MGAT4C: variants seen among roughly 807,000 people sequenced by gnomAD.
MGAT4C encodes the protein MGAT4 family member C, also known as alpha-1,3-mannosyl-glycoprotein 4-beta-N-acetylglucosaminyltransferase C.
MGAT4C carries 19 observed loss-of-function variants against 40.1 expected under a neutral mutation model. The ratio of observed to expected loss-of-function variants is 0.47; its 90% CI spans 0.33 to 0.70. MGAT4C has a LOEUF of 0.70. MGAT4C is among the 30% of genes least tolerant of loss of function. The probability of loss-of-function intolerance (pLI) is 0.02; values close to 1 mark genes in which losing one functional copy is unlikely to be tolerated. For synonymous variants in MGAT4C, 181 were observed against 187.1 expected (o/e 0.97, Z 0.27); for missense variants, 491 against 563.2 (o/e 0.87, Z 1.30).
At chr12:86,214,249 T>C (rs1950587379) in intron 1 of MGAT4C, among the ~76,000 whole-genome samples, 1 of 152,198 alleles carries the variant, frequency 6.6e-6, no homozygotes. Context: ...TCTTCTGGAC[T>C]ATGTGGGTCA....
chr12:86,347,169 A>AT (rs1023758351), intron 3 of MGAT4C, among the ~76,000 whole-genome samples: 1 of 152,182 alleles, frequency 6.6e-6, no homozygotes, highest in Non-Finnish European at 1.5e-5. Context: ...TCAATTCTCC[A>AT]TAACAAACTC....
intron 1 of MGAT4C, among the ~76,000 whole-genome samples, chr12:86,227,538 T>G (rs751435884): frequency 6.6e-6 from 1 of 151,974 alleles, no homozygotes; most frequent in Non-Finnish European, 1.5e-5. Context: ...AGAGATATCT[T>G]CATTTAACAT....
intron 2 of MGAT4C, among the ~76,000 whole-genome samples, chr12:86,469,399 G>T (rs1223166010): frequency 6.6e-6 from 1 of 152,058 alleles, no homozygotes; most frequent in African/African-American, 2.4e-5. Flanking sequence ...CATGTCTTTT[G>T]CCAGCACTCT....
chr12:86,626,638 T>C (rs1195718746), intron 2 of MGAT4C, among the ~76,000 whole-genome samples: 2 of 152,214 alleles, frequency 1.3e-5, no homozygotes, highest in African/African-American at 4.8e-5. Flanking sequence ...TTCCATTATT[T>C]TCTAGTGTTA....
intron 2 of MGAT4C, among the ~76,000 whole-genome samples, chr12:86,697,612 G>A (rs1038999683): frequency 1.3e-5 from 2 of 151,868 alleles, no homozygotes; most frequent in African/African-American, 4.8e-5. Context: ...TTTCTTTGGA[G>A]GAACCAAAAC....
rs1198701119 is a variant in MGAT4C at position 85,977,170 on chromosome 12, A to G, written c.*2119T>C. ...TGAAACATTTTTAAGACATTGATAG[A>G]CACCAATAGCTGATCTTTAGAAAGC... On this transcript the variant is annotated 3_prime_UTR_variant, in exon 5 of 5. Transcript: ENST00000611864. The G allele has an allele frequency of 6.6e-6, 1 of 151,402 alleles. No homozygotes were observed. The highest frequency in any genetic ancestry group is 2.4e-5 in the African/African-American group (1 of 41,388). The allele number at this position is 151,402 out of a possible 1,614,324, so 9.4% of individuals were successfully genotyped here. A position where few individuals can be genotyped will look rare whatever the true frequency, so the allele number is the denominator to read the frequency against.
intron 4 of MGAT4C, among the ~76,000 whole-genome samples, chr12:86,313,459 G>A (rs184727134): frequency 5.9e-5 from 9 of 152,168 alleles, no homozygotes; most frequent in Admixed American, 1.3e-4. Flanking sequence ...AAATAGTGTC[G>A]AAGTCAGTTG....
intron 1 of MGAT4C, among the ~76,000 whole-genome samples, chr12:86,767,438 C>A (rs1467269481): frequency 3.9e-5 from 6 of 152,116 alleles, no homozygotes; most frequent in Admixed American, 6.6e-5. Context: ...CAGAGAGGTA[C>A]AAGGAGGAAC....
intron 2 of MGAT4C, among the ~76,000 whole-genome samples, chr12:86,445,348 A>G (rs1332151923): frequency 6.6e-6 from 1 of 152,212 alleles, no homozygotes; most frequent in African/African-American, 2.4e-5. Context: ...AATATTCCAT[A>G]TTATTTCTCA....
At chr12:86,003,926 GAC>G (rs1887608484) in intron 2 of MGAT4C, among the ~76,000 whole-genome samples, 1 of 151,990 alleles carries the variant, frequency 6.6e-6, no homozygotes, top group South Asian at 2.1e-4. Flanking sequence ...GTCTTATCAA[GAC>G]AGTTTTCTAT....
At chr12:86,584,749 G>C (rs1050410343) in intron 2 of MGAT4C, among the ~76,000 whole-genome samples, 1 of 151,218 alleles carries the variant, frequency 6.6e-6, no homozygotes, top group African/African-American at 2.4e-5. Context: ...TATTGGAAAG[G>C]TTATGATTGC....
At position 86,011,941 on chromosome 12, in the gene MGAT4C, G is replaced by C. The variant is rs545847614; in HGVS notation, c.-6-22389C>G. 2.4e-5 allele frequency: 19 copies of C among 793,968 alleles called. No homozygotes were observed. In the African/African-American group the frequency reaches 3.2e-4, roughly 13 times the overall value. The allele number at this position is 793,968 out of a possible 1,614,324, so 49.2% of individuals were successfully genotyped here. On this transcript the variant is annotated intron_variant, in intron 2 of 4. Coordinates refer to ENST00000611864, the MANE Select transcript of MGAT4C (RefSeq NM_001351288.2). ...TCACACAAATGAAGATGAGTTACTT[G>C]AGCAGGAGATCTTGGTTCCATGTTC... is the stretch of plus-strand genomic sequence containing the variant.
At chr12:86,025,497 G>A (rs946057157) in intron 2 of MGAT4C, among the ~76,000 whole-genome samples, 1 of 151,586 alleles carries the variant, frequency 6.6e-6, no homozygotes, top group African/African-American at 2.4e-5. Flanking sequence ...TGTCATGAGA[G>A]AATTAAACAG....
At chr12:86,370,241 T>C (rs1955689412) in intron 3 of MGAT4C, among the ~76,000 whole-genome samples, 1 of 151,996 alleles carries the variant, frequency 6.6e-6, no homozygotes, top group Non-Finnish European at 1.5e-5. Context: ...AGAGTAAATA[T>C]ACATTATGAA....
At chr12:86,004,675 G>A (rs956500114) in intron 2 of MGAT4C, among the ~76,000 whole-genome samples, 24 of 152,300 alleles carry the variant, frequency 1.6e-4, no homozygotes, top group East Asian at 3.9e-4. Flanking sequence ...ATGAAGTGAA[G>A]AAGAGTGATT....
intron 1 of MGAT4C, among the ~76,000 whole-genome samples, chr12:86,165,670 T>C (rs890215239): frequency 2.6e-5 from 4 of 152,162 alleles, no homozygotes; most frequent in African/African-American, 9.6e-5. Context: ...AAATTGCCAA[T>C]GGAATTTTAA....
intron 4 of MGAT4C, among the ~76,000 whole-genome samples, chr12:86,317,129 T>C (rs1207038532): frequency 6.6e-6 from 1 of 152,106 alleles, no homozygotes; most frequent in Non-Finnish European, 1.5e-5. Context: ...TACATAAGGC[T>C]AATATTTTAT....
At chr12:86,209,097 C>T (rs1470907885) in intron 1 of MGAT4C, among the ~76,000 whole-genome samples, 1 of 151,938 alleles carries the variant, frequency 6.6e-6, no homozygotes, top group Non-Finnish European at 1.5e-5. Flanking sequence ...TAGATCCTGT[C>T]TACAATTGAA....
At chr12:86,540,223 G>T (rs1959149469) in intron 2 of MGAT4C, among the ~76,000 whole-genome samples, 1 of 152,170 alleles carries the variant, frequency 6.6e-6, no homozygotes, top group Non-Finnish European at 1.5e-5. Context: ...TTAAAGTCAT[G>T]GTGGCTTCCA....
Sources: allele counts gnomAD v4.1 joint callset (sites outside exome capture counted in the v4.1 genomes callset), GRCh38; gene constraint gnomAD v4.1.1; transcripts MANE v1.5; gene names NCBI Gene and HGNC (gene_info 2026-07-23, HGNC 2026-07-21).